RPS6KC1: variants seen among roughly 807,000 people sequenced by gnomAD.
The protein encoded by RPS6KC1 is inactive ribosomal protein S6 kinase delta-1.
Under a neutral mutation model 103.8 loss-of-function variants are expected in RPS6KC1, and 54 were observed. The ratio of observed to expected loss-of-function variants is 0.52; its 90% confidence interval spans 0.42 to 0.65. The LOEUF is 0.65. Among genes scored for constraint, RPS6KC1 ranks in the 30% least tolerant of loss-of-function variants. The pLI is 0.00. For missense variants in RPS6KC1, 1,151 were observed against 1,253.8 expected (o/e 0.92, Z 1.24); for synonymous variants, 439 against 438.7 (o/e 1.00, Z -0.01).
chr1:213,760,286 A>G, the RPS6KC1 span, among the ~76,000 whole-genome samples: 6 of 152,186 alleles, frequency 3.9e-5, no homozygotes, highest in African/African-American at 1.4e-4. Context: ...CCGCTGCTTC[A>G]TTTACAGTGG....
At chr1:213,693,317 G>T in the RPS6KC1 span, among the ~76,000 whole-genome samples, 1 of 152,160 alleles carries the variant, frequency 6.6e-6, no homozygotes, top group Non-Finnish European at 1.5e-5. Context: ...TATTTGAGAA[G>T]CTTTCGTTGA....
At chr1:213,252,932 T>C (rs922613287) in intron 12 of RPS6KC1, among the ~76,000 whole-genome samples, 1 of 152,222 alleles carries the variant, frequency 6.6e-6, no homozygotes, top group Non-Finnish European at 1.5e-5. Context: ...ACACTTTATT[T>C]ACAATGATGG....
the RPS6KC1 span, among the ~76,000 whole-genome samples, chr1:213,390,893 G>A: frequency 6.6e-6 from 1 of 152,162 alleles, no homozygotes; most frequent in East Asian, 1.9e-4. Flanking sequence ...TTTATAGCAT[G>A]TGTGGGGGTG....
the RPS6KC1 span, among the ~76,000 whole-genome samples, chr1:213,775,462 C>T: frequency 2.0e-5 from 3 of 152,194 alleles, no homozygotes; most frequent in Non-Finnish European, 4.4e-5. Flanking sequence ...GCAAGCCACA[C>T]AATTTTTTGG....
the RPS6KC1 span, among the ~76,000 whole-genome samples, chr1:213,429,691 A>G: frequency 6.6e-6 from 1 of 152,176 alleles, no homozygotes; most frequent in Non-Finnish European, 1.5e-5. Context: ...CCTCTCAGGA[A>G]GTTCTTCTTC....
the RPS6KC1 span, among the ~76,000 whole-genome samples, chr1:213,358,746 G>C: frequency 6.6e-6 from 1 of 152,006 alleles, no homozygotes; most frequent in Non-Finnish European, 1.5e-5. Flanking sequence ...AGAGATTCTG[G>C]TATGTTGTGT....
chr1:213,211,222 A>G (rs1476333684), intron 8 of RPS6KC1, among the ~76,000 whole-genome samples: 1 of 152,270 alleles, frequency 6.6e-6, no homozygotes, highest in African/African-American at 2.4e-5. Context: ...CTAGAAAAAT[A>G]GAATACATGT....
chr1:213,809,167 G>A, the RPS6KC1 span, among the ~76,000 whole-genome samples: 1 of 152,104 alleles, frequency 6.6e-6, no homozygotes, highest in Non-Finnish European at 1.5e-5. Flanking sequence ...GCCACTGTGG[G>A]GTTATTTATT....
intron 3 of RPS6KC1, among the ~76,000 whole-genome samples, chr1:213,103,366 A>G (rs1270195822): frequency 1.3e-5 from 2 of 152,198 alleles, no homozygotes; most frequent in Non-Finnish European, 2.9e-5. Flanking sequence ...ATGATATTCT[A>G]TTAAGTGCTT....
chr1:213,673,539 G>A, the RPS6KC1 span, among the ~76,000 whole-genome samples: 1 of 152,186 alleles, frequency 6.6e-6, no homozygotes, highest in Non-Finnish European at 1.5e-5. Flanking sequence ...TGAAATAAGT[G>A]TTCCCTGATC....
chr1:213,430,553 A>G, the RPS6KC1 span, among the ~76,000 whole-genome samples: 14 of 152,352 alleles, frequency 9.2e-5, no homozygotes, highest in African/African-American at 2.9e-4. Context: ...TCTGTGGATG[A>G]TGAGGAATTG....
the RPS6KC1 span, among the ~76,000 whole-genome samples, chr1:213,528,912 G>C: frequency 6.6e-6 from 1 of 152,184 alleles, no homozygotes; most frequent in East Asian, 1.9e-4. Context: ...AAATAACCTG[G>C]TGACTTCTGA....
chr1:213,447,727 C>A, the RPS6KC1 span, among the ~76,000 whole-genome samples: 1 of 152,094 alleles, frequency 6.6e-6, no homozygotes, highest in African/African-American at 2.4e-5. Flanking sequence ...CTGAATGATT[C>A]CCAGACTTAT....
intron 8 of RPS6KC1, 75 bp downstream of exon 8, chr1:213,176,567 G>A: frequency 3.1e-6 from 3 of 954,122 alleles, no homozygotes; most frequent in Non-Finnish European, 4.8e-6. Flanking sequence ...TGAAGCTTTG[G>A]ATCTTAAGGA....
the RPS6KC1 span, among the ~76,000 whole-genome samples, chr1:213,447,373 T>C: frequency 6.6e-6 from 1 of 152,198 alleles, no homozygotes; most frequent in Non-Finnish European, 1.5e-5. Context: ...TGTAAGCTAC[T>C]GCATCTGGCC....
chr1:213,451,092 T>G, the RPS6KC1 span, among the ~76,000 whole-genome samples: 7 of 152,198 alleles, frequency 4.6e-5, no homozygotes, highest in Admixed American at 4.6e-4. Context: ...CACTCACCCG[T>G]GGGTCAAATC....
chr1:213,584,247 T>G, the RPS6KC1 span, among the ~76,000 whole-genome samples: 160 of 152,350 alleles, frequency 1.1e-3, no homozygotes, highest in African/African-American at 3.7e-3. Flanking sequence ...TAAACCTCTT[T>G]TTCTTTGTAA....
At chr1:213,577,914 C>T in the RPS6KC1 span, among the ~76,000 whole-genome samples, 9 of 152,228 alleles carry the variant, frequency 5.9e-5, no homozygotes, top group African/African-American at 1.9e-4. Flanking sequence ...TGGCTGCATA[C>T]ATTTGCATAA....
the RPS6KC1 span, among the ~76,000 whole-genome samples, chr1:213,773,947 C>A: frequency 6.6e-6 from 1 of 152,248 alleles, no homozygotes; most frequent in South Asian, 2.1e-4. Flanking sequence ...CAACTTTTCA[C>A]AAATGATTCC....
Sources: allele counts gnomAD v4.1 joint callset (sites outside exome capture counted in the v4.1 genomes callset), GRCh38; gene constraint gnomAD v4.1.1; transcripts MANE v1.5; gene names NCBI Gene and HGNC (gene_info 2026-07-23, HGNC 2026-07-21).